Variants in CRTAP observed in about 807,000 individuals in gnomAD.
CRTAP encodes the protein cartilage-associated protein.
CRTAP carries 33 observed loss-of-function variants against 42.7 expected under a neutral mutation model. The ratio of observed to expected loss-of-function variants is 0.77; its 90% confidence interval spans 0.59 to 1.03. The LOEUF (loss-of-function observed/expected upper bound fraction) is 1.03. Ranked by LOEUF, CRTAP falls within the 50% of genes least tolerant of loss-of-function variation. The pLI is 0.00. For missense variants in CRTAP, 613 were observed against 533.9 expected (o/e 1.15, Z -1.46); for synonymous variants, 243 against 217.7 (o/e 1.12, Z -1.02).
chr3:33,142,517 G>T lies in CRTAP; in HGVS notation c.*69G>T, dbSNP rs2030606287. On this transcript the variant is annotated 3_prime_UTR_variant, in exon 7 of 7. Transcript: ENST00000320954. Reference sequence around the variant, plus strand: ...CAGATTCTTTGTCCTTTTCCCAACAGCCCAGGCTGTTGATACCTCAGAGCC... The same window carrying T: ...CAGATTCTTTGTCCTTTTCCCAACATCCCAGGCTGTTGATACCTCAGAGCC... The T allele has an allele frequency of 3.3e-6, 5 of 1,498,570 alleles. No homozygotes were observed. The highest frequency in any genetic ancestry group is 4.6e-6 in the Non-Finnish European group (5 of 1,075,452). 92.8% of individuals were successfully genotyped at this position (1,498,570 alleles called of 1,614,324 possible). A position where few individuals can be genotyped will look rare whatever the true frequency, so the allele number is the denominator to read the frequency against.
At chr3:33,139,758 G>A (rs1381578652) in intron 6 of CRTAP, among the ~76,000 whole-genome samples, 2 of 152,140 alleles carry the variant, frequency 1.3e-5, no homozygotes, top group Non-Finnish European at 2.9e-5. Flanking sequence ...GATTACAGGC[G>A]TGAGCCACCG....
Position 33,120,493 on chromosome 3 carries a change from A to T in CRTAP, c.621A>T (p.Glu207Asp), listed in dbSNP as rs1390874439. 1.9e-5 allele frequency: 31 copies of T among 1,608,046 alleles called. No individual in the cohort carries two copies. Among genetic ancestry groups the T allele is most frequent in the Non-Finnish European group, 2.5e-5 (29 of 1,176,720 alleles). ...AAGACCTGGAAACCAAGTCATATGA[A>T]GTATGTTTGGATTTTTATGTGGCAG... is the stretch of plus-strand genomic sequence containing the variant. ...YIKDLETKSY[E>D]SLFIRAVRAY... The change falls in exon 2 of 7, where the codon GAA becomes GAT. Residue 207 changes from glutamate (E) to aspartate (D), a missense_variant and splice_region_variant. By Grantham distance (45) the Glu-to-Asp change is conservative. Transcript: ENST00000320954.
chr3:33,129,807 G>C, intron 3 of CRTAP, 132 bp from the exon 4 acceptor site: 1 of 775,502 alleles, frequency 1.3e-6, no homozygotes, highest in Non-Finnish European at 2.2e-6. Context: ...GAAGTGCTGG[G>C]ATTACAGGCG....
chr3:33,125,036 T>C (rs998195442), intron 3 of CRTAP, among the ~76,000 whole-genome samples: 2 of 152,146 alleles, frequency 1.3e-5, no homozygotes, highest in Non-Finnish European at 2.9e-5. Flanking sequence ...TATAGGAAGT[T>C]TGGAAAACAC....
chr3:33,128,948 A>G (rs920878927), intron 3 of CRTAP, among the ~76,000 whole-genome samples: 2 of 152,206 alleles, frequency 1.3e-5, no homozygotes, highest in South Asian at 2.1e-4. Flanking sequence ...TATGGCCCCA[A>G]CCTAGCTGCA....
At chr3:33,126,848 G>T (rs964667721) in intron 3 of CRTAP, among the ~76,000 whole-genome samples, 2 of 152,192 alleles carry the variant, frequency 1.3e-5, no homozygotes, top group African/African-American at 2.4e-5. Flanking sequence ...CCCAAAGTGG[G>T]AGGGGGTTTC....
intron 2 of CRTAP, among the ~76,000 whole-genome samples, chr3:33,122,657 C>CTGAGAT (rs1438418580): frequency 7.2e-6 from 1 of 138,386 alleles, no homozygotes; most frequent in Non-Finnish European, 1.5e-5. Context: ...TTGCAGTGAG[C>CTGAGAT]TGAGATTGCA....
Position 33,124,487 on chromosome 3 carries a change from C to G in CRTAP, c.701C>G (p.Pro234Arg). 6.2e-7 allele frequency: 1 copy of G among 1,614,218 alleles called. No individual in the cohort carries two copies. The highest frequency in any genetic ancestry group is 1.3e-5 in the African/African-American group (1 of 75,046). ...TSITDMELALPDFFKAFYECL... is the reference protein window; with the variant it reads ...TSITDMELALRDFFKAFYECL... ...ATCACAGACATGGAGCTGGCCCTTC[C>G]CGACTTCTTCAAAGCCTTTTACGAG... is the stretch of plus-strand genomic sequence containing the variant. The change falls in exon 3 of 7, where the codon CCC becomes CGC. Residue 234 changes from proline (P) to arginine (R), a missense_variant. Pro to Arg is a moderately radical substitution (Grantham distance 103). Coordinates refer to ENST00000320954, the MANE Select transcript of CRTAP (RefSeq NM_006371.5).
chr3:33,133,262 T>TC (rs1491532126), intron 5 of CRTAP, among the ~76,000 whole-genome samples: 2 of 23,966 alleles, frequency 8.3e-5, no homozygotes, highest in East Asian at 2.3e-3. Context: ...TCTCTCTCTC[T>TC]TTTTTTTTTT....
At chr3:33,118,726 A>C (rs1419543638) in intron 1 of CRTAP, among the ~76,000 whole-genome samples, 2 of 152,042 alleles carry the variant, frequency 1.3e-5, no homozygotes, top group African/African-American at 4.8e-5. Context: ...CCTTCTCCCT[A>C]CTAGGTTGTG....
intron 2 of CRTAP, among the ~76,000 whole-genome samples, chr3:33,121,179 C>T (rs967863600): frequency 2.6e-5 from 4 of 151,958 alleles, no homozygotes; most frequent in African/African-American, 7.3e-5. Context: ...GAGGCCGAGG[C>T]GGATGGATCA....
chr3:33,114,549 G>A lies in CRTAP; in HGVS notation c.471+1G>A, dbSNP rs72659359. 1.9e-6 allele frequency: 3 copies of A among 1,581,884 alleles called. No individual in the cohort carries two copies. The highest frequency in any genetic ancestry group is 4.6e-5 in the East Asian group (2 of 43,688). ...GTTCCTGCAGTTCGCTTACTTCAAGGCAAGTCCGCCTCGCCCCGTCCCAGG... is the reference window on the plus strand; with the variant it reads ...GTTCCTGCAGTTCGCTTACTTCAAGACAAGTCCGCCTCGCCCCGTCCCAGG... On this transcript the variant is annotated splice_donor_variant, in intron 1 of 6. Coordinates refer to ENST00000320954, the MANE Select transcript of CRTAP (RefSeq NM_006371.5). LOFTEE classifies it high-confidence loss of function.
chr3:33,131,666 C>T (rs1004180703), intron 4 of CRTAP, among the ~76,000 whole-genome samples: 2 of 152,090 alleles, frequency 1.3e-5, no homozygotes, highest in South Asian at 2.1e-4. Flanking sequence ...AAATCTGCCC[C>T]GTTTTGAATT....
In CRTAP at chr3:33,137,443, A is replaced by G. The variant is rs141841114; in HGVS notation, c.1152+3178A>G. On this transcript the variant is annotated intron_variant, in intron 6 of 6. Transcript: ENST00000320954. Reference sequence around the variant, plus strand: ...GGCGTGAGCTACTGCACCCAGCTTGACTTGCACCTTCTTAGTGACTATGTT... The same window carrying G: ...GGCGTGAGCTACTGCACCCAGCTTGGCTTGCACCTTCTTAGTGACTATGTT... Among the ~76,000 whole-genome samples, 72 of 152,306 alleles carry G rather than the reference A, an allele frequency of 4.7e-4. 1 individual carries two copies. The highest frequency in any genetic ancestry group is 1.6e-3 in the African/African-American group (66 of 41,574).
intron 4 of CRTAP, among the ~76,000 whole-genome samples, chr3:33,131,147 C>G (rs1016135119): frequency 6.6e-6 from 1 of 152,030 alleles, no homozygotes. Context: ...GAATAGATCC[C>G]CTGGGTCGCC....
At position 33,114,537 on chromosome 3, in the gene CRTAP, G is replaced by C; in HGVS notation, c.460G>C (p.Ala154Pro). ...CGAGCCCTACAAGTTCCTGCAGTTC[G>C]CTTACTTCAAGGCAAGTCCGCCTCG... ...RREPYKFLQF[A>P]YFKANNLPKA... Residue 154 changes from alanine to proline, a missense_variant, in exon 1 of 7, where the codon GCT becomes CCT. By Grantham distance (27) the Ala-to-Pro change is conservative (BLOSUM62 -1). Transcript: ENST00000320954. 6.3e-7 allele frequency: 1 copy of C among 1,599,016 alleles called. No homozygotes were observed. Among genetic ancestry groups the C allele is most frequent in the Non-Finnish European group, 8.5e-7 (1 of 1,174,568 alleles).
Position 33,145,593 on chromosome 3 carries a change from A to C in CRTAP, c.*3145A>C, listed in dbSNP as rs74503694. 6.6e-6 allele frequency: 1 copy of C among 152,312 alleles called. No homozygotes were observed. Among genetic ancestry groups the C allele is most frequent in the South Asian group, 2.1e-4 (1 of 4,820 alleles). The allele number at this position is 152,312 out of a possible 1,614,324, so 9.4% of individuals were successfully genotyped here. ...CAGCGAGTGGACGCCCTGCTCCGGG[A>C]TTCCTGAGTCTGTAAATAGTGTGCC... On this transcript the variant is annotated 3_prime_UTR_variant, in exon 7 of 7. Coordinates refer to ENST00000320954, the MANE Select transcript of CRTAP (RefSeq NM_006371.5). The surrounding 1 kb of genome is among the most constrained non-coding windows in gnomAD (Gnocchi z 4.3).
intron 6 of CRTAP, among the ~76,000 whole-genome samples, chr3:33,136,010 A>G (rs929421281): frequency 1.3e-5 from 2 of 152,182 alleles, no homozygotes; most frequent in African/African-American, 4.8e-5. Flanking sequence ...AAGAAACTCC[A>G]TAGCTAAGTC....
chr3:33,136,188 A>G (rs1000605659), intron 6 of CRTAP, among the ~76,000 whole-genome samples: 3 of 152,198 alleles, frequency 2.0e-5, no homozygotes, highest in African/African-American at 7.2e-5. Context: ...TTCACTGAGC[A>G]TATGTTTTCA....
Sources: allele counts gnomAD v4.1 joint callset (sites outside exome capture counted in the v4.1 genomes callset), GRCh38; gene constraint gnomAD v4.1.1; non-coding constraint Gnocchi (gnomAD v3.1); transcripts MANE v1.5; gene names NCBI Gene and HGNC (gene_info 2026-07-23, HGNC 2026-07-21).